Variants in IFT74 observed in about 807,000 individuals in gnomAD.
IFT74 encodes the protein intraflagellar transport protein 74 homolog.
In IFT74, 92 loss-of-function variants were observed where a neutral mutation model predicts 96.7. That is an observed-to-expected ratio of 0.95 (90% CI 0.80 to 1.13). The LOEUF (loss-of-function observed/expected upper bound fraction) is 1.13, where lower values mean the gene tolerates loss of function less well. Ranked by LOEUF, IFT74 falls within the 50% of genes most tolerant of loss-of-function variation. The probability of loss-of-function intolerance (pLI) is 0.00; values close to 1 mark genes in which losing one functional copy is unlikely to be tolerated. For synonymous variants in IFT74, 223 were observed against 213.2 expected, an observed-to-expected ratio of 1.05 and a Z score of -0.40; for missense variants, 811 against 698.2, an observed-to-expected ratio of 1.16 and a Z score of -1.82.
At chr9:27,033,485 G>A (rs529763142) in intron 13 of IFT74, among the ~76,000 whole-genome samples, 5 of 151,306 alleles carry the variant, frequency 3.3e-5, no homozygotes, top group Admixed American at 1.3e-4. Flanking sequence ...CTTGAACCTC[G>A]GAAGTCGAGG....
chr9:27,041,576 C>T (rs1819481173), intron 13 of IFT74, among the ~76,000 whole-genome samples: 1 of 152,162 alleles, frequency 6.6e-6, no homozygotes, highest in African/African-American at 2.4e-5. Context: ...TTTCCCTCTC[C>T]CTTGGTCTCC....
chr9:27,063,387 C>A lies in IFT74; in HGVS notation c.*651C>A, dbSNP rs1820510021. Among the ~76,000 whole-genome samples, 1 of 152,086 alleles carries A rather than the reference C, an allele frequency of 6.6e-6. No homozygotes were observed. Among genetic ancestry groups the A allele is most frequent in the Non-Finnish European group, 1.5e-5 (1 of 67,972 alleles). ...TACATTTATAGTGGGCTGTTTTGGA[C>A]TATGGCTACTGCTGTTCATTGCCAC... On this transcript the variant is annotated 3_prime_UTR_variant, in exon 20 of 20. Coordinates refer to ENST00000380062, the MANE Select transcript of IFT74 (RefSeq NM_025103.4).
At chr9:27,026,076 C>T (rs987801685) in intron 12 of IFT74, among the ~76,000 whole-genome samples, 2 of 152,132 alleles carry the variant, frequency 1.3e-5, no homozygotes, top group Non-Finnish European at 2.9e-5. Flanking sequence ...CCAAGTATCT[C>T]CCATCTTCAA....
intron 13 of IFT74, chr9:27,036,422 T>C (rs1470543985): frequency 6.2e-7 from 1 of 1,611,356 alleles, no homozygotes; most frequent in Non-Finnish European, 8.5e-7. Context: ...TAGTCAATTC[T>C]TTGTACCCAC....
chr9:26,968,473 G>A (rs1046751570), intron 2 of IFT74, among the ~76,000 whole-genome samples: 3 of 152,054 alleles, frequency 2.0e-5, no homozygotes, highest in African/African-American at 7.2e-5. Flanking sequence ...TGTTGGTCAG[G>A]CTAGTCTTGA....
intron 10 of IFT74, among the ~76,000 whole-genome samples, chr9:27,012,938 C>T (rs12376772): frequency 0.11 from 15,945 of 151,786 alleles, 888 homozygotes; most frequent in South Asian, 0.23. Context: ...AGGATGGTCT[C>T]GATCTCCTGA....
intron 8 of IFT74, chr9:26,995,661 T>G: frequency 6.2e-7 from 1 of 1,613,924 alleles, no homozygotes; most frequent in South Asian, 1.1e-5. Flanking sequence ...GAAAGAGAGC[T>G]TGGATTTCCA....
chr9:26,992,602 C>T (rs1177044582), intron 8 of IFT74, among the ~76,000 whole-genome samples: 2 of 151,448 alleles, frequency 1.3e-5, no homozygotes, highest in African/African-American at 4.9e-5. Flanking sequence ...CTGAGGCACG[C>T]GAATCACTTG....
At chr9:26,980,548 A>G (rs770844263) in intron 3 of IFT74, 23 bp from the exon 4 acceptor site, 2 of 1,539,158 alleles carry the variant, frequency 1.3e-6, no homozygotes, top group Non-Finnish European at 1.8e-6. Context: ...CTGAACACTA[A>G]CACTTAAAAC....
At position 26,984,343 on chromosome 9, in the gene IFT74, C is replaced by A; in HGVS notation, c.392C>A (p.Ser131Ter). 6.3e-7 allele frequency: 1 copy of A among 1,583,924 alleles called. No homozygotes were observed. The highest frequency in any genetic ancestry group is 1.2e-5 in the South Asian group (1 of 85,864). ...MYNQENSVYLSYEKRAETLAV... is the reference protein window; with the variant it reads ...MYNQENSVYL Reference sequence around the variant, plus strand: ...AATCAAGAGAATTCAGTATATTTGTCATATGAAAAGAGGTGAGTAATAAGT... The same window carrying A: ...AATCAAGAGAATTCAGTATATTTGTAATATGAAAAGAGGTGAGTAATAAGT... The change falls in exon 5 of 20, where the codon TCA (serine) becomes TAA (stop). Residue 131 changes from serine (S) to a stop codon, truncating the protein, a stop_gained. Transcript: ENST00000380062. LOFTEE classifies it high-confidence loss of function.
intron 2 of IFT74, among the ~76,000 whole-genome samples, chr9:26,973,280 A>G (rs1826958204): frequency 6.6e-6 from 1 of 152,232 alleles, no homozygotes; most frequent in African/African-American, 2.4e-5. Flanking sequence ...ACTAATCAGT[A>G]TGACCCATCT....
At chr9:26,956,241 T>C (rs1367366593), upstream of IFT74, 1 of 152,288 alleles carries the variant, frequency 6.6e-6, no homozygotes, top group East Asian at 1.9e-4. Context: ...GCCGCCCCGC[T>C]GTTTTCCACT....
rs1278539454 is a variant in IFT74 at position 27,012,820 on chromosome 9, C to T, written c.789+852C>T. Among the ~76,000 whole-genome samples, 22 of 148,142 alleles carry T rather than the reference C, an allele frequency of 1.5e-4. No homozygotes were observed. The Admixed American group carries it at 1.5e-3, about 10-fold the overall frequency. On this transcript the variant is annotated intron_variant, in intron 10 of 19. Coordinates refer to ENST00000380062, the MANE Select transcript of IFT74 (RefSeq NM_025103.4). ...CAAGCTCCGCCTCCCAGGTTCACGC[C>T]ATTCTCCTGCCTCAGCCTCCAGAGT... is the stretch of plus-strand genomic sequence containing the variant.
chr9:27,020,761 A>G (rs1829563203), intron 12 of IFT74, among the ~76,000 whole-genome samples: 1 of 152,020 alleles, frequency 6.6e-6, no homozygotes, highest in African/African-American at 2.4e-5. Flanking sequence ...GGCGTGACCT[A>G]CCGCGCCTGG....
chr9:26,984,039 C>T (rs1827515649), intron 4 of IFT74: 1 of 317,916 alleles, frequency 3.1e-6, no homozygotes, highest in Non-Finnish European at 5.7e-6. Context: ...CTGCCTCGGC[C>T]TCCCAAAGTG....
At position 27,039,134 on chromosome 9, in the gene IFT74, G is replaced by A. The variant is rs1293515513; in HGVS notation, c.1055-5608G>A. 2.0e-5 allele frequency among the ~76,000 whole-genome samples: 3 copies of A among 152,012 alleles called. No individual in the cohort carries two copies. In the South Asian group the frequency reaches 6.2e-4, roughly 32 times the overall value. On this transcript the variant is annotated intron_variant, in intron 13 of 19. Coordinates refer to ENST00000380062, the MANE Select transcript of IFT74 (RefSeq NM_025103.4). ...TGGGCACCAAATAGAAATTATAATCGTCATCATCGTCAAATGAGGGTTATC... is the reference window on the plus strand; with the variant it reads ...TGGGCACCAAATAGAAATTATAATCATCATCATCGTCAAATGAGGGTTATC...
At chr9:27,004,651 G>A (rs574075029) in intron 8 of IFT74, among the ~76,000 whole-genome samples, 1 of 152,296 alleles carries the variant, frequency 6.6e-6, no homozygotes, top group South Asian at 2.1e-4. Flanking sequence ...GGTTTAAAAG[G>A]AAGTCAGTCA....
intron 12 of IFT74, among the ~76,000 whole-genome samples, chr9:27,020,511 G>A (rs952189250): frequency 7.7e-6 from 1 of 129,176 alleles, no homozygotes; most frequent in Non-Finnish European, 1.6e-5. Context: ...GTCTCCCTCT[G>A]TTGCCCAGGC....
chr9:27,039,979 A>G (rs1420477421), intron 13 of IFT74, among the ~76,000 whole-genome samples: 1 of 152,226 alleles, frequency 6.6e-6, no homozygotes, highest in Non-Finnish European at 1.5e-5. Context: ...TAAAATTGAA[A>G]TAGGAGTCAG....
Sources: gnomAD v4.1 joint callset for allele counts (sites outside exome capture counted in the v4.1 genomes callset) on GRCh38, gnomAD v4.1.1 for gene constraint, MANE v1.5 for transcripts, NCBI Gene and HGNC (gene_info 2026-07-23, HGNC 2026-07-21) for gene names.